The following PTH2R variants were observed in gnomAD, a reference collection of about 807,000 sequenced individuals.
The protein encoded by PTH2R is PTH2 receptor.
In PTH2R, 59 loss-of-function variants were observed where a neutral mutation model predicts 60.3. That is an observed-to-expected ratio of 0.98 (90% confidence interval 0.79 to 1.22). The LOEUF (loss-of-function observed/expected upper bound fraction) is 1.22, where lower values mean the gene tolerates loss of function less well. PTH2R is among the 50% of genes most tolerant of loss of function. PTH2R has a pLI of 0.00. For synonymous variants in PTH2R, 256 were observed against 243.8 expected (o/e 1.05, Z -0.47); for missense variants, 749 against 682.6 (o/e 1.10, Z -1.08).
At chr2:208,468,713 A>G (rs554323413) in intron 9 of PTH2R, among the ~76,000 whole-genome samples, 22 of 152,302 alleles carry the variant, frequency 1.4e-4, no homozygotes, top group East Asian at 5.8e-4. Flanking sequence ...TAGATTACCA[A>G]TTGTAATCTA....
chr2:208,444,585 T>A (rs1224377581), intron 6 of PTH2R, 149 bp from the exon 7 acceptor site: 2 of 522,412 alleles, frequency 3.8e-6, no homozygotes, highest in Non-Finnish European at 6.4e-6. Flanking sequence ...AATAACTGTT[T>A]TGGCCTCTCA....
At chr2:208,492,476 A>C (rs1164875533) in intron 12 of PTH2R, among the ~76,000 whole-genome samples, 2 of 152,122 alleles carry the variant, frequency 1.3e-5, no homozygotes, top group Admixed American at 1.3e-4. Context: ...AGAAGTGAAA[A>C]AATATTTGGT....
At chr2:208,479,570 T>G (rs1343842727) in intron 9 of PTH2R, among the ~76,000 whole-genome samples, 2 of 152,248 alleles carry the variant, frequency 1.3e-5, no homozygotes, top group Admixed American at 1.3e-4. Flanking sequence ...ACTCACGTGC[T>G]TCTTTCTCAG....
intron 1 of PTH2R, among the ~76,000 whole-genome samples, chr2:208,414,068 T>A (rs1344249261): frequency 6.6e-6 from 1 of 152,186 alleles, no homozygotes; most frequent in African/African-American, 2.4e-5. Flanking sequence ...GCCCACTGTT[T>A]TACTGGGGCT....
chr2:208,432,435 T>A (rs2105859758), intron 2 of PTH2R, among the ~76,000 whole-genome samples: 1 of 152,300 alleles, frequency 6.6e-6, no homozygotes, highest in South Asian at 2.1e-4. Context: ...CCTGGAAGAA[T>A]AATTATCTCA....
At chr2:208,370,111 A>G (rs1574812102) in intron 1 of PTH2R, among the ~76,000 whole-genome samples, 2 of 152,060 alleles carry the variant, frequency 1.3e-5, no homozygotes, top group African/African-American at 2.4e-5. Flanking sequence ...CTTCTATATA[A>G]ATTAGAAAGG....
Position 208,437,866 on chromosome 2 carries a change from T to C in PTH2R, c.396T>C (p.Asp132=), listed in dbSNP as rs149606571. 1.2e-6 allele frequency: 2 copies of C among 1,613,552 alleles called. No individual in the cohort carries two copies. Among genetic ancestry groups the C allele is most frequent in the Non-Finnish European group, 1.7e-6 (2 of 1,179,628 alleles). Residue 132 remains aspartate (D), a synonymous_variant, in exon 4 of 13, where the codon GAT becomes GAC. Transcript: ENST00000272847. ...ACTGCCTTCGCTTTCTGCAGCCAGA[T>C]ATCAGCATAGGAAAGGTAATGGAAT... ...YSDCLRFLQP[D]ISIGKQEFFE...
intron 9 of PTH2R, among the ~76,000 whole-genome samples, chr2:208,479,130 T>C (rs1418853191): frequency 6.6e-6 from 1 of 152,234 alleles, no homozygotes; most frequent in Non-Finnish European, 1.5e-5. Flanking sequence ...AAATTCTTAA[T>C]TCTTTCCATA....
At chr2:208,445,475 A>T (rs1702270844) in intron 7 of PTH2R, among the ~76,000 whole-genome samples, 1 of 152,170 alleles carries the variant, frequency 6.6e-6, no homozygotes, top group East Asian at 1.9e-4. Flanking sequence ...TACAAGGGGG[A>T]TTACTGGATT....
intron 7 of PTH2R, among the ~76,000 whole-genome samples, chr2:208,447,000 G>C (rs1224405566): frequency 6.6e-6 from 1 of 152,042 alleles, no homozygotes; most frequent in Non-Finnish European, 1.5e-5. Flanking sequence ...TACTCATTTG[G>C]ACCCAAATGT....
rs772890243 is a variant in PTH2R at position 208,460,011 on chromosome 2, C to G, written c.981+50C>G. The G allele has an allele frequency of 2.0e-6, 3 of 1,483,838 alleles. No homozygotes were observed. The East Asian group carries it at 6.8e-5, about 34-fold the overall frequency. The allele number at this position is 1,483,838 out of a possible 1,614,324, so 91.9% of individuals were successfully genotyped here. On this transcript the variant is annotated intron_variant, in intron 9 of 12. Transcript: ENST00000272847. ...AAAAAAGGGATGAAAAATTAACCTG[C>G]TGCTAAAACCCAGAGAAAGTGTGTC...
chr2:208,401,521 T>C (rs1486316234), intron 1 of PTH2R, among the ~76,000 whole-genome samples: 1 of 152,090 alleles, frequency 6.6e-6, no homozygotes, highest in African/African-American at 2.4e-5. Flanking sequence ...ATTTTCTTTA[T>C]GGTATCTCTC....
At chr2:208,465,817 G>A (rs1243046951) in intron 9 of PTH2R, among the ~76,000 whole-genome samples, 2 of 152,108 alleles carry the variant, frequency 1.3e-5, no homozygotes, top group Non-Finnish European at 2.9e-5. Flanking sequence ...GAAAAGTATA[G>A]TGAGTGGATG....
At chr2:208,407,382 C>T (rs72986747) in intron 1 of PTH2R, among the ~76,000 whole-genome samples, 84 of 152,296 alleles carry the variant, frequency 5.5e-4, no homozygotes, top group Non-Finnish European at 9.7e-4. Context: ...GGGGATATTT[C>T]CGAACAGCGG....
intron 8 of PTH2R, among the ~76,000 whole-genome samples, chr2:208,454,606 G>A (rs186953191): frequency 6.6e-6 from 1 of 152,312 alleles, no homozygotes; most frequent in Admixed American, 6.5e-5. Context: ...AATGTCTATT[G>A]TTTAAGCCAC....
intron 1 of PTH2R, among the ~76,000 whole-genome samples, chr2:208,395,725 G>T (rs1291982094): frequency 4.1e-4 from 63 of 152,252 alleles, no homozygotes; most frequent in Non-Finnish European, 4.4e-5. Flanking sequence ...CATGAAAATG[G>T]CCATACTGCC....
At chr2:208,398,405 G>T (rs1158182422) in intron 1 of PTH2R, among the ~76,000 whole-genome samples, 1 of 152,268 alleles carries the variant, frequency 6.6e-6, no homozygotes, top group South Asian at 2.1e-4. Context: ...TATGGTAATG[G>T]TTGGTTGGAA....
At chr2:208,389,075 T>C (rs1463119447) in intron 1 of PTH2R, among the ~76,000 whole-genome samples, 1 of 152,200 alleles carries the variant, frequency 6.6e-6, no homozygotes, top group African/African-American at 2.4e-5. Context: ...ATTGTGAAGA[T>C]GTTTTCATTA....
At chr2:208,382,415 TACTTG>T (rs1700931745) in intron 1 of PTH2R, among the ~76,000 whole-genome samples, 1 of 151,240 alleles carries the variant, frequency 6.6e-6, no homozygotes, top group Non-Finnish European at 1.5e-5. Context: ...GGCTCTACCA[TACTTG>T]ATGTTTTAGA....
Sources: gnomAD v4.1 joint callset for allele counts (sites outside exome capture counted in the v4.1 genomes callset) on GRCh38, gnomAD v4.1.1 for gene constraint, MANE v1.5 for transcripts, NCBI Gene and HGNC (gene_info 2026-07-23, HGNC 2026-07-21) for gene names.